ZC3H12B: variants seen among roughly 807,000 people sequenced by gnomAD.
ZC3H12B encodes probable ribonuclease ZC3H12B.
ZC3H12B carries 7 observed loss-of-function variants against 43.9 expected under a neutral mutation model. The ratio of observed to expected loss-of-function variants is 0.16; its 90% CI spans 0.09 to 0.30. The LOEUF is 0.30. Ranked by LOEUF, ZC3H12B falls within the 10% of genes least tolerant of loss-of-function variation. The pLI is 1.00. For missense variants in ZC3H12B, 475 were observed against 670.2 expected (o/e 0.71, Z 3.22); for synonymous variants, 222 against 241.7 (o/e 0.92, Z 0.76).
chrX:65,061,519 G>A, the ZC3H12B span, among the ~76,000 whole-genome samples: 1 of 112,252 alleles, frequency 8.9e-6, no homozygotes, highest in South Asian at 3.7e-4. Flanking sequence ...TGACTGCATA[G>A]TATTCCATGG....
the ZC3H12B span, among the ~76,000 whole-genome samples, chrX:65,334,540 T>C: frequency 2.7e-5 from 3 of 112,560 alleles, no homozygotes; most frequent in Admixed American, 9.4e-5. Flanking sequence ...TTACATTTTT[T>C]GCTTTTCTGA....
chrX:65,312,399 A>ATT, the ZC3H12B span, among the ~76,000 whole-genome samples: 2 of 104,077 alleles, frequency 1.9e-5, no homozygotes, highest in East Asian at 3.0e-4. Context: ...CCGAGGTTCT[A>ATT]TTTTTTTTTT....
the ZC3H12B span, among the ~76,000 whole-genome samples, chrX:65,047,499 G>A: frequency 2.7e-5 from 3 of 110,541 alleles, no homozygotes; most frequent in African/African-American, 9.9e-5. Context: ...CACTCCAAAG[G>A]CTCTTTCAGG....
At chrX:65,374,032 A>AT (rs1491383779) in intron 2 of ZC3H12B, among the ~76,000 whole-genome samples, 20 of 59,151 alleles carry the variant, frequency 3.4e-4, no homozygotes, top group East Asian at 4.8e-4. Context: ...GTATATATAT[A>AT]ACTATATATA....
At chrX:65,352,860 T>A in the ZC3H12B span, among the ~76,000 whole-genome samples, 1 of 111,891 alleles carries the variant, frequency 8.9e-6, no homozygotes, top group African/African-American at 3.3e-5. Flanking sequence ...TTTATTTTTG[T>A]TTTCTGGGAT....
intron 3 of ZC3H12B, among the ~76,000 whole-genome samples, chrX:65,414,905 G>C (rs1201954792): frequency 8.9e-6 from 1 of 112,224 alleles, no homozygotes; most frequent in Non-Finnish European, 1.9e-5. Flanking sequence ...TAAAATGTTT[G>C]AAGAGATTTA....
chrX:65,088,421 C>T, the ZC3H12B span, among the ~76,000 whole-genome samples: 1 of 111,032 alleles, frequency 9.0e-6, no homozygotes, highest in African/African-American at 3.3e-5. Flanking sequence ...TGGATGGATG[C>T]CCTTACATTC....
chrX:65,046,248 T>A, the ZC3H12B span, among the ~76,000 whole-genome samples: 1 of 112,094 alleles, frequency 8.9e-6, no homozygotes, highest in Non-Finnish European at 1.9e-5. Context: ...ACTGTGAAAG[T>A]CCTAGATGGC....
At chrX:65,352,047 G>A in the ZC3H12B span, among the ~76,000 whole-genome samples, 68 of 112,243 alleles carry the variant, frequency 6.1e-4, no homozygotes, top group African/African-American at 1.7e-3. Context: ...ATTCACAATA[G>A]CAAAGACTTG....
At chrX:65,240,083 G>A in the ZC3H12B span, among the ~76,000 whole-genome samples, 1 of 110,944 alleles carries the variant, frequency 9.0e-6, no homozygotes, top group Non-Finnish European at 1.9e-5. Flanking sequence ...GTTTCTGACT[G>A]GGGTTCTCTC....
chrX:65,182,941 G>GA, the ZC3H12B span, among the ~76,000 whole-genome samples: 2 of 111,192 alleles, frequency 1.8e-5, no homozygotes, highest in African/African-American at 3.3e-5. Flanking sequence ...GCTAGGTTGT[G>GA]AAAAAAAAGG....
chrX:65,212,433 ATATAT>A, the ZC3H12B span, among the ~76,000 whole-genome samples: 294 of 60,778 alleles, frequency 4.8e-3, 2 homozygotes, highest in Non-Finnish European at 4.9e-3. Flanking sequence ...TATAATTATT[ATATAT>A]TATATTATAT....
chrX:65,356,721 T>C, the ZC3H12B span, among the ~76,000 whole-genome samples: 4 of 112,227 alleles, frequency 3.6e-5, no homozygotes, highest in Non-Finnish European at 7.5e-5. Context: ...TGACAACTGA[T>C]GCTTCTCAGC....
At chrX:65,149,764 A>AAATAAT in the ZC3H12B span, among the ~76,000 whole-genome samples, 43 of 85,279 alleles carry the variant, frequency 5.0e-4, no homozygotes, top group East Asian at 1.1e-3. Context: ...ACTTAATCTC[A>AAATAAT]AATAATAATA....
chrX:65,341,960 A>T, the ZC3H12B span, among the ~76,000 whole-genome samples: 5 of 111,436 alleles, frequency 4.5e-5, no homozygotes, highest in African/African-American at 1.6e-4. Context: ...ATTAAATGTC[A>T]CAGAGTGGCT....
chrX:65,330,549 G>T, the ZC3H12B span, among the ~76,000 whole-genome samples: 4 of 111,387 alleles, frequency 3.6e-5, no homozygotes, highest in African/African-American at 1.3e-4. Flanking sequence ...GTTTGTCATA[G>T]ATAGCTCTTA....
the ZC3H12B span, among the ~76,000 whole-genome samples, chrX:65,341,986 C>T: frequency 9.0e-6 from 1 of 110,878 alleles, no homozygotes; most frequent in Non-Finnish European, 1.9e-5. Flanking sequence ...GATAAAGAAC[C>T]AAGACCCAAT....
At chrX:65,106,215 G>A in the ZC3H12B span, among the ~76,000 whole-genome samples, 1 of 111,480 alleles carries the variant, frequency 9.0e-6, no homozygotes, top group Non-Finnish European at 1.9e-5. Context: ...CAAATGCTAT[G>A]GTCTCATGGG....
chrX:65,330,104 A>G, the ZC3H12B span, among the ~76,000 whole-genome samples: 1 of 109,412 alleles, frequency 9.1e-6, no homozygotes, highest in African/African-American at 3.3e-5. Context: ...TAGTAACTTG[A>G]TGGGGATGGC....
Sources: gnomAD v4.1 joint callset for allele counts (sites outside exome capture counted in the v4.1 genomes callset) on GRCh38, gnomAD v4.1.1 for gene constraint, MANE v1.5 for transcripts, NCBI Gene and HGNC (gene_info 2026-07-23, HGNC 2026-07-21) for gene names.